RALYL: variants seen among roughly 807,000 people sequenced by gnomAD.
RALYL encodes the protein RALY RNA binding protein like.
A neutral mutation model predicts 35.1 loss-of-function variants in RALYL; 29 were observed. That is an observed-to-expected ratio of 0.83 (90% CI 0.61 to 1.13). The LOEUF (loss-of-function observed/expected upper bound fraction) is 1.13, where lower values mean the gene tolerates loss of function less well. Ranked by LOEUF, RALYL falls within the 50% of genes most tolerant of loss-of-function variation. The pLI, the probability that RALYL is intolerant of heterozygous loss-of-function variation, is 0.00. For synonymous variants in RALYL, 120 were observed against 127.6 expected, an observed-to-expected ratio of 0.94 and a Z score of 0.40; for missense variants, 359 against 360.4, an observed-to-expected ratio of 1.00 and a Z score of 0.03.
intron 4 of RALYL, among the ~76,000 whole-genome samples, chr8:84,817,143 C>CA (rs371503573): frequency 1.3e-3 from 191 of 152,192 alleles, no homozygotes; most frequent in African/African-American, 4.2e-3. Flanking sequence ...GCCCTGCATC[C>CA]AAAAATGACC....
chr8:84,471,408 C>T (rs1051549601), intron 1 of RALYL, among the ~76,000 whole-genome samples: 3 of 150,490 alleles, frequency 2.0e-5, no homozygotes, highest in Admixed American at 6.6e-5. Context: ...CATAGCAAGA[C>T]CACATCTGTA....
chr8:84,355,394 A>G lies in RALYL; in HGVS notation c.-24+170970A>G, dbSNP rs542739808. 2.7e-5 allele frequency among the ~76,000 whole-genome samples: 4 copies of G among 150,642 alleles called. 1 individual carries two copies. The highest frequency in any genetic ancestry group is 5.9e-5 in the Non-Finnish European group (4 of 67,754). ...GTGGATAACTTGTGGCTTTCCAAAT[A>G]TATGGGTTAGGAAAAGCTTTTCCAA... On this transcript the variant is annotated intron_variant, in intron 1 of 8. Transcript: ENST00000521268.
intron 1 of RALYL, among the ~76,000 whole-genome samples, chr8:84,504,743 T>C (rs1440374821): frequency 1.3e-5 from 2 of 152,248 alleles, no homozygotes; most frequent in Middle Eastern, 3.4e-3. Context: ...TCCAGGGTTT[T>C]AGACACTTTA....
chr8:84,916,658 T>C (rs926669697), intron 8 of RALYL, among the ~76,000 whole-genome samples: 1 of 152,026 alleles, frequency 6.6e-6, no homozygotes, highest in African/African-American at 2.4e-5. Flanking sequence ...CACTAAACCC[T>C]TTTTCCTTAT....
intron 2 of RALYL, among the ~76,000 whole-genome samples, chr8:84,689,028 A>G (rs1837438268): frequency 6.6e-6 from 1 of 152,058 alleles, no homozygotes; most frequent in Non-Finnish European, 1.5e-5. Context: ...ATTAACTCAT[A>G]CACTATTAGA....
At chr8:84,469,469 A>G (rs1321310133) in intron 1 of RALYL, among the ~76,000 whole-genome samples, 1 of 152,198 alleles carries the variant, frequency 6.6e-6, no homozygotes, top group Admixed American at 6.5e-5. Context: ...GTCAGGGGAC[A>G]GGGACCCACT....
At chr8:84,250,635 AAATG>A (rs1338950606) in intron 1 of RALYL, among the ~76,000 whole-genome samples, 1 of 152,194 alleles carries the variant, frequency 6.6e-6, no homozygotes, top group African/African-American at 2.4e-5. Flanking sequence ...GCTTAGAAGA[AAATG>A]AAAGCAAATA....
At chr8:84,580,750 C>A (rs1564182579) in intron 2 of RALYL, among the ~76,000 whole-genome samples, 1 of 152,248 alleles carries the variant, frequency 6.6e-6, no homozygotes, top group South Asian at 2.1e-4. Flanking sequence ...AAAAACATTG[C>A]TGCAATTACT....
Position 84,294,758 on chromosome 8 carries a change from C to A in RALYL, c.-24+110334C>A, listed in dbSNP as rs558973697. On this transcript the variant is annotated intron_variant, in intron 1 of 8. Transcript: ENST00000521268. ...AAAGGTAGACAGAGAAGTGGGTTAA[C>A]TTTGTACTAAAAAAAAAAAGAATCT... Among the ~76,000 whole-genome samples the A allele has an allele frequency of 2.0e-5, 3 of 151,634 alleles. No homozygotes were observed. In the South Asian group the frequency reaches 6.3e-4, roughly 32 times the overall value.
intron 4 of RALYL, among the ~76,000 whole-genome samples, chr8:84,820,535 G>C (rs894086572): frequency 1.3e-5 from 2 of 152,050 alleles, no homozygotes; most frequent in Non-Finnish European, 1.5e-5. Flanking sequence ...GTTTTGTTTT[G>C]TCTTGTTTTT....
At chr8:84,295,849 G>C (rs886074545) in intron 1 of RALYL, among the ~76,000 whole-genome samples, 5 of 151,968 alleles carry the variant, frequency 3.3e-5, no homozygotes, top group Non-Finnish European at 5.9e-5. Flanking sequence ...CTTCCTAAAG[G>C]TGTTCTCTAT....
At chr8:84,490,079 A>ATGTGTGTGTG (rs143193843) in intron 1 of RALYL, among the ~76,000 whole-genome samples, 2,410 of 144,400 alleles carry the variant, frequency 0.017, 33 homozygotes, top group Middle Eastern at 0.025. Context: ...GCTTGCGTGC[A>ATGTGTGTGTG]TGTGTGTGTG....
At chr8:84,539,828 GTATACATATATATATATATATATA>G (rs2059870937) in intron 2 of RALYL, among the ~76,000 whole-genome samples, 1 of 4,752 alleles carries the variant, frequency 2.1e-4, no homozygotes, top group African/African-American at 8.7e-4. Context: ...AAGTGATCAA[GTATACATATATATATATATATATA>G]TGTATATATA....
chr8:84,383,472 C>G (rs1197420999), intron 1 of RALYL, among the ~76,000 whole-genome samples: 1 of 151,318 alleles, frequency 6.6e-6, no homozygotes, highest in African/African-American at 2.4e-5. Flanking sequence ...TAGGAGGCTC[C>G]AGAGCTTATT....
At chr8:84,836,458 C>A (rs1326647402) in intron 4 of RALYL, among the ~76,000 whole-genome samples, 4 of 152,150 alleles carry the variant, frequency 2.6e-5, no homozygotes, top group Admixed American at 2.6e-4. Flanking sequence ...CTCACTTTCT[C>A]CCCCATTACA....
intron 1 of RALYL, among the ~76,000 whole-genome samples, chr8:84,401,825 T>A (rs2042947670): frequency 7.5e-6 from 1 of 132,620 alleles, no homozygotes; most frequent in Admixed American, 7.3e-5. Context: ...GCAGTAAAAC[T>A]TTTTTTTTTT....
chr8:84,504,183 T>C (rs1048371796), intron 1 of RALYL, among the ~76,000 whole-genome samples: 2 of 151,876 alleles, frequency 1.3e-5, no homozygotes, highest in Non-Finnish European at 2.9e-5. Flanking sequence ...TAACAGGCAA[T>C]TCAAAAAAGA....
chr8:84,522,261 T>TTG (rs1290016924), intron 1 of RALYL, among the ~76,000 whole-genome samples: 1 of 150,402 alleles, frequency 6.6e-6, no homozygotes, highest in Non-Finnish European at 1.5e-5. Flanking sequence ...TTTTTTTTTT[T>TTG]TTTTTTGAGA....
intron 1 of RALYL, among the ~76,000 whole-genome samples, chr8:84,347,050 A>C (rs182457123): frequency 6.6e-6 from 1 of 151,994 alleles, no homozygotes; most frequent in Admixed American, 6.5e-5. Flanking sequence ...ATACAAAAAA[A>C]CTTAGCCAGG....
Sources: allele counts gnomAD v4.1 joint callset (sites outside exome capture counted in the v4.1 genomes callset), GRCh38; gene constraint gnomAD v4.1.1; transcripts MANE v1.5; gene names NCBI Gene and HGNC (gene_info 2026-07-23, HGNC 2026-07-21).